The following BCL6 variants were observed in gnomAD, a reference collection of about 807,000 sequenced individuals.
The protein encoded by BCL6 is B-cell lymphoma 6 protein.
Under a neutral mutation model 59.5 loss-of-function variants are expected in BCL6, and 7 were observed. That is an observed-to-expected ratio of 0.12 (90% CI 0.07 to 0.22). BCL6 has a LOEUF of 0.22. BCL6 is among the 10% of genes least tolerant of loss of function. The pLI is 1.00. For synonymous variants in BCL6, 339 were observed against 349.7 expected (o/e 0.97, Z 0.34); for missense variants, 685 against 939.4 (o/e 0.73, Z 3.54).
At chr3:187,723,750 G>T (rs1718533966) in intron 9 of BCL6, among the ~76,000 whole-genome samples, 1 of 152,188 alleles carries the variant, frequency 6.6e-6, no homozygotes, top group Non-Finnish European at 1.5e-5. Flanking sequence ...TGTGTCCCCA[G>T]CATGTCATTT....
intron 3 of BCL6, 70 bp from the exon 4 acceptor site, chr3:187,732,000 T>C: frequency 7.5e-7 from 1 of 1,342,198 alleles, no homozygotes; most frequent in South Asian, 1.2e-5. Context: ...TCAGCACTGA[T>C]ACTCAGCCCC....
chr3:187,741,234 C>G (rs939438379), intron 1 of BCL6, among the ~76,000 whole-genome samples: 1 of 152,224 alleles, frequency 6.6e-6, no homozygotes, highest in African/African-American at 2.4e-5. Context: ...GCAACCACAA[C>G]GCGGTATCTG....
At chr3:187,744,116 G>T (rs1576884424) in intron 1 of BCL6, among the ~76,000 whole-genome samples, 1 of 152,164 alleles carries the variant, frequency 6.6e-6, no homozygotes, top group African/African-American at 2.4e-5. Context: ...TACAGAGCTT[G>T]CACCATGGGA....
chr3:187,743,588 CATT>C (rs965892722), intron 1 of BCL6, among the ~76,000 whole-genome samples: 1 of 152,090 alleles, frequency 6.6e-6, no homozygotes, highest in Non-Finnish European at 1.5e-5. Flanking sequence ...CTTTAAAACT[CATT>C]ATTGCAACAC....
At position 187,731,938 on chromosome 3, in the gene BCL6, A is replaced by G; in HGVS notation, c.162-8T>C. The G allele has an allele frequency of 1.2e-6, 2 of 1,605,588 alleles. No individual in the cohort carries two copies. Among genetic ancestry groups the G allele is most frequent in the South Asian group, 2.2e-5 (2 of 90,834 alleles). On this transcript the variant is annotated splice_region_variant and splice_polypyrimidine_tract_variant and intron_variant, in intron 3 of 9. Coordinates refer to ENST00000406870, the MANE Select transcript of BCL6 (RefSeq NM_001706.5). ...ATGCTATAGAACAGGCCACTGTAAA[A>G]CAAACAAATGTCCCACTATAGTAGA...
chr3:187,735,366 G>A (rs1394351712), intron 1 of BCL6, among the ~76,000 whole-genome samples: 4 of 152,200 alleles, frequency 2.6e-5, no homozygotes, highest in African/African-American at 4.8e-5. Context: ...CCGCAAGGAC[G>A]ATAGGGCCAA....
chr3:187,722,304 G>GGCCCCCCCCCCCCCCCCCCCCC lies in BCL6; in HGVS notation c.*153_*154insGGGGGGGGGGGGGGGGGGGGGC. On this transcript the variant is annotated 3_prime_UTR_variant, in exon 10 of 10. Transcript: ENST00000406870. ...GCTGCTGCGGCTCCCAGTCCCCCAG[G>GGCCCCCCCCCCCCCCCCCCCCC]CCCCGACCCCCACCACCCCCAACCC... 2 of 309,294 alleles carry GGCCCCCCCCCCCCCCCCCCCCC rather than the reference G, an allele frequency of 6.5e-6. No individual in the cohort carries two copies. Among genetic ancestry groups the GGCCCCCCCCCCCCCCCCCCCCC allele is most frequent in the East Asian group, 5.6e-5 (1 of 17,940 alleles). The allele number at this position is 309,294 out of a possible 1,614,324, so 19.2% of individuals were successfully genotyped here.
intron 1 of BCL6, among the ~76,000 whole-genome samples, chr3:187,741,288 C>T (rs1711580628): frequency 1.3e-5 from 2 of 152,168 alleles, no homozygotes; most frequent in Non-Finnish European, 2.9e-5. Flanking sequence ...CCCCAGCCTC[C>T]GAAAAGCTTT....
At chr3:187,744,730 T>A (rs1576885462) in intron 1 of BCL6, among the ~76,000 whole-genome samples, 1 of 151,184 alleles carries the variant, frequency 6.6e-6, no homozygotes, top group Non-Finnish European at 1.5e-5. Flanking sequence ...CCTCCCGGAG[T>A]TACCCAGAAG....
intron 4 of BCL6, among the ~76,000 whole-genome samples, chr3:187,730,397 C>A (rs555978853): frequency 1.3e-5 from 2 of 152,312 alleles, no homozygotes; most frequent in African/African-American, 4.8e-5. Context: ...ATGCAAAATC[C>A]TGAAAGGAAG....
Position 187,724,799 on chromosome 3 carries a change from T to C in BCL6, c.1977+142A>G, listed in dbSNP as rs553463080. 1.3e-5 allele frequency: 15 copies of C among 1,198,260 alleles called. No individual in the cohort carries two copies. The East Asian group carries it at 3.8e-4, about 31-fold the overall frequency. 74.2% of individuals were successfully genotyped at this position (1,198,260 alleles called of 1,614,324 possible). On this transcript the variant is annotated intron_variant, in intron 9 of 9. Transcript: ENST00000406870. ...GATCTAGGTCTTCCAACCATTAGCG[T>C]AGTGGTTGCCCCACTGTGTGCTTGA...
At chr3:187,743,464 C>T (rs1193469452) in intron 1 of BCL6, among the ~76,000 whole-genome samples, 2 of 151,906 alleles carry the variant, frequency 1.3e-5, no homozygotes, top group East Asian at 3.9e-4. Flanking sequence ...GGACCCCCCA[C>T]CCCCAAACCC....
chr3:187,744,538 A>G (rs750304488), intron 1 of BCL6, among the ~76,000 whole-genome samples: 7 of 152,324 alleles, frequency 4.6e-5, no homozygotes, highest in South Asian at 2.1e-4. Flanking sequence ...GAAAGGAAAT[A>G]GTAGACACGA....
rs144578019 is a variant in BCL6 at position 187,729,919 on chromosome 3, C to T, written c.486G>A (p.Val162=). Residue 162 remains valine (V), a synonymous_variant, in exon 5 of 10, where the codon GTG becomes GTA. Transcript: ENST00000406870. The surrounding 1 kb of genome is among the most constrained non-coding windows in gnomAD (Gnocchi z 5.6). ...TCCTCAGTGGCAGGTTGTTCTCCAC[C>T]ACCTCACGACCCCGATAGGCCATGA... is the stretch of plus-strand genomic sequence containing the variant. ...QDIMAYRGRE[V]VENNLPLRSA... is the part of the protein sequence containing the mutation. 106 of 1,614,092 alleles carry T rather than the reference C, an allele frequency of 6.6e-5. No homozygotes were observed. In the African/African-American group the frequency reaches 1.3e-3, roughly 20 times the overall value.
chr3:187,722,426 G>A lies in BCL6; in HGVS notation c.*32C>T, dbSNP rs755173299. 1.3e-6 allele frequency: 2 copies of A among 1,599,914 alleles called. No homozygotes were observed. The highest frequency in any genetic ancestry group is 2.7e-5 in the African/African-American group (2 of 74,280). Reference sequence around the variant, plus strand: ...ATCCTTTGGGTAGATTCTGAGAAGGGGCTGGAGACGAAAGCATCAACACTC... The same window carrying A: ...ATCCTTTGGGTAGATTCTGAGAAGGAGCTGGAGACGAAAGCATCAACACTC... On this transcript the variant is annotated 3_prime_UTR_variant, in exon 10 of 10. Transcript: ENST00000406870.
chr3:187,728,980 A>G, intron 5 of BCL6, 70 bp downstream of exon 5: 1 of 1,499,072 alleles, frequency 6.7e-7, no homozygotes, highest in Middle Eastern at 2.5e-4. Context: ...TCAGGCAAGA[A>G]AAGAAGAAAC....
chr3:187,736,063 GC>G (rs1719267435), intron 1 of BCL6: 1 of 152,148 alleles, frequency 6.6e-6, no homozygotes, highest in Non-Finnish European at 1.5e-5. Flanking sequence ...CAAACACTTT[GC>G]CCCATTCCAG....
chr3:187,728,204 G>A lies in BCL6; in HGVS notation c.1540+156C>T, dbSNP rs190162042. On this transcript the variant is annotated intron_variant, in intron 6 of 9. Coordinates refer to ENST00000406870, the MANE Select transcript of BCL6 (RefSeq NM_001706.5). Reference sequence around the variant, plus strand: ...AACCCAGTTCCCCAAGAAGCGAAGCGTGGGATGAACGGCTGGTGACTTGGA... The same window carrying A: ...AACCCAGTTCCCCAAGAAGCGAAGCATGGGATGAACGGCTGGTGACTTGGA... Among the ~76,000 whole-genome samples the A allele has an allele frequency of 1.4e-4, 21 of 152,334 alleles. No homozygotes were observed. In the East Asian group the frequency reaches 1.7e-3, roughly 13 times the overall value.
At chr3:187,726,087 T>G (rs1279068560) in intron 7 of BCL6, among the ~76,000 whole-genome samples, 2 of 152,180 alleles carry the variant, frequency 1.3e-5, no homozygotes, top group African/African-American at 4.8e-5. Context: ...GATTCACTCA[T>G]CAACTCATTC....
Sources: allele counts gnomAD v4.1 joint callset (sites outside exome capture counted in the v4.1 genomes callset), GRCh38; gene constraint gnomAD v4.1.1; non-coding constraint Gnocchi (gnomAD v3.1); transcripts MANE v1.5; gene names NCBI Gene and HGNC (gene_info 2026-07-23, HGNC 2026-07-21).